SLC6A12: variants seen among roughly 807,000 people sequenced by gnomAD.
The protein encoded by SLC6A12 is sodium- and chloride-dependent betaine transporter.
Under a neutral mutation model 73.3 loss-of-function variants are expected in SLC6A12, and 50 were observed. That is an observed-to-expected ratio of 0.68 (90% CI 0.54 to 0.86). The LOEUF (loss-of-function observed/expected upper bound fraction) is 0.86. SLC6A12 is among the 40% of genes least tolerant of loss of function. SLC6A12 has a pLI of 0.00. For missense variants in SLC6A12, 648 were observed against 772.8 expected, an observed-to-expected ratio of 0.84 and a Z score of 1.92; for synonymous variants, 304 against 309.2, an observed-to-expected ratio of 0.98 and a Z score of 0.18.
intron 9 of SLC6A12, among the ~76,000 whole-genome samples, 186 bp from the exon 10 acceptor site, chr12:197,687 A>T (rs2137134478): frequency 6.6e-6 from 1 of 152,294 alleles, no homozygotes; most frequent in Admixed American, 6.5e-5. Flanking sequence ...TAGAAGAAAA[A>T]GACAAAAATC....
chr12:200,563 A>G, intron 7 of SLC6A12, 88 bp downstream of exon 7: 1 of 1,414,238 alleles, frequency 7.1e-7, no homozygotes, highest in Non-Finnish European at 9.7e-7. Flanking sequence ...CTTAATAGAA[A>G]GAAATCAGTT....
chr12:192,457 AC>A lies in SLC6A12; in HGVS notation c.1701+20del, dbSNP rs773266352. ...TCTCAGTGCCCTCCTTTAAGAGGTC[AC>A]TCTCCCCTACACCACCTACCTTCCT... On this transcript the variant is annotated intron_variant, in intron 15 of 15. Coordinates refer to ENST00000684302, the MANE Select transcript of SLC6A12 (RefSeq NM_001122848.3). 4 of 1,609,496 alleles carry A rather than the reference AC, an allele frequency of 2.5e-6. No homozygotes were observed. In the South Asian group the frequency reaches 3.3e-5, roughly 13 times the overall value.
At chr12:201,669 A>G (rs1940270417) in intron 6 of SLC6A12, 93 bp downstream of exon 6, 1 of 998,086 alleles carries the variant, frequency 1.0e-6, no homozygotes, top group African/African-American at 1.6e-5. Flanking sequence ...AAGCACACAC[A>G]GAATCTTAAA....
rs1255774798 is a variant in SLC6A12 at position 204,698 on chromosome 12, C to T, written c.215G>A (p.Gly72Glu). The change falls in exon 4 of 16, where the codon GGA (glycine) becomes GAA (glutamate). Residue 72 changes from glycine to glutamate, a missense_variant and splice_region_variant. Physicochemically the swap from Gly to Glu is moderately conservative, Grantham distance 98. Coordinates refer to ENST00000684302, the MANE Select transcript of SLC6A12 (RefSeq NM_001122848.3). ...FPYLCYKNGG[G>E]AFFIPYFIFF... ...GATGAAGTAGGGGATGAAGAAGGCT[C>T]CTGCAGAAGAGAGAGAGGCAGGGCT... is the stretch of plus-strand genomic sequence containing the variant. 1 of 1,613,886 alleles carries T rather than the reference C, an allele frequency of 6.2e-7. No homozygotes were observed. Among genetic ancestry groups the T allele is most frequent in the Non-Finnish European group, 8.5e-7 (1 of 1,180,010 alleles).
rs370315315 is a variant in SLC6A12, at chr12:191,043, G to A, written c.*25C>T. ...GCCCTGACCTAGGTTCCCGGCTTAG[G>A]AGCCGCCTGGCCTCTGGCCACACCC... is the stretch of plus-strand genomic sequence containing the variant. On this transcript the variant is annotated 3_prime_UTR_variant, in exon 16 of 16. Transcript: ENST00000684302. 4.6e-6 allele frequency: 6 copies of A among 1,298,648 alleles called. No homozygotes were observed. The highest frequency in any genetic ancestry group is 4.9e-6 in the Non-Finnish European group (5 of 1,013,734). The allele number at this position is 1,298,648 out of a possible 1,614,324, so 80.4% of individuals were successfully genotyped here.
chr12:202,898 AGATGGGGAGG>A lies in SLC6A12; in HGVS notation c.350-28_350-19del. 1 of 1,612,690 alleles carries A rather than the reference AGATGGGGAGG, an allele frequency of 6.2e-7. No homozygotes were observed. The highest frequency in any genetic ancestry group is 8.5e-7 in the Non-Finnish European group (1 of 1,179,208). On this transcript the variant is annotated intron_variant, in intron 4 of 15. Coordinates refer to ENST00000684302, the MANE Select transcript of SLC6A12 (RefSeq NM_001122848.3). Reference sequence around the variant, plus strand: ...ACCAATGCCTTCCAGAGTGGGGGAGAGATGGGGAGGGACAAGAGAGATCAATGTTAGCAAA... The same window carrying A: ...ACCAATGCCTTCCAGAGTGGGGGAGAGACAAGAGAGATCAATGTTAGCAAA...
At chr12:196,298 G>A (rs748163015) in intron 11 of SLC6A12, 37 bp from the exon 12 acceptor site, 3 of 1,592,116 alleles carry the variant, frequency 1.9e-6, no homozygotes, top group South Asian at 1.1e-5. Flanking sequence ...AGAGGGTGTG[G>A]GGCGGGCTGT....
intron 5 of SLC6A12, 87 bp from the exon 6 acceptor site, chr12:201,936 T>TC: frequency 9.3e-7 from 1 of 1,077,006 alleles, no homozygotes; most frequent in African/African-American, 1.5e-5. Flanking sequence ...AGCCTAGTGG[T>TC]CCTCACCACT....
chr12:186,505 G>C (rs751447298), downstream of SLC6A12, among the ~76,000 whole-genome samples: 3 of 152,240 alleles, frequency 2.0e-5, no homozygotes, highest in Non-Finnish European at 4.4e-5. Flanking sequence ...TTCTGGCTCA[G>C]TGCCTCTGTA....
chr12:203,770 G>T (rs986615488), intron 4 of SLC6A12: 1 of 152,212 alleles, frequency 6.6e-6, no homozygotes, highest in Non-Finnish European at 1.5e-5. Context: ...GGCCGGGGCG[G>T]CGCTGGGTGG....
chr12:209,319 C>T (rs1451047739), intron 3 of SLC6A12, among the ~76,000 whole-genome samples: 6 of 152,200 alleles, frequency 3.9e-5, no homozygotes. Context: ...TGACATAGAC[C>T]ACGCGGAACC....
At chr12:186,399 G>A (rs1939428631), downstream of SLC6A12, among the ~76,000 whole-genome samples, 1 of 152,214 alleles carries the variant, frequency 6.6e-6, no homozygotes, top group Admixed American at 6.5e-5. Context: ...CTACTGCTGT[G>A]TAAAAAATCA....
Position 195,227 on chromosome 12 carries a change from T to C in SLC6A12, c.1427A>G (p.Tyr476Cys), listed in dbSNP as rs1288369785. The C allele has an allele frequency of 9.7e-7, 1 of 1,030,068 alleles. No homozygotes were observed. The highest frequency in any genetic ancestry group is 1.2e-5 in the South Asian group (1 of 80,312). 63.8% of individuals were successfully genotyped at this position (1,030,068 alleles called of 1,614,324 possible). ...CCACCCCACTCCACCCCACTCACCA[T>C]ACACCCAGCTTATGCAGACCACTTC... ...LFEVVCISWV[Y>C]GADRFYDNIE... Residue 476 changes from tyrosine (Y) to cysteine (C), a missense_variant and splice_region_variant, in exon 13 of 16, where the codon TAT becomes TGT. By Grantham distance (194) the Tyr-to-Cys change is radical. Coordinates refer to ENST00000684302, the MANE Select transcript of SLC6A12 (RefSeq NM_001122848.3).
intron 4 of SLC6A12, chr12:204,264 G>A: frequency 2.8e-6 from 1 of 358,762 alleles, no homozygotes. Context: ...AGCTTCACTC[G>A]GCTCCAGCCC....
intron 6 of SLC6A12, chr12:201,084 G>C (rs1940237615): frequency 3.5e-6 from 1 of 288,216 alleles, no homozygotes; most frequent in Non-Finnish European, 6.5e-6. Context: ...TATACATGCA[G>C]GTTGATGGGC....
chr12:198,688 G>A lies in SLC6A12; in HGVS notation c.846+109C>T. ...CATATTTTCTAATTTATCTCCAGTG[G>A]GCATTTATTGCTTTTAAACCAAGGA... On this transcript the variant is annotated intron_variant, in intron 8 of 15. Coordinates refer to ENST00000684302, the MANE Select transcript of SLC6A12 (RefSeq NM_001122848.3). The surrounding 1 kb of genome is among the most constrained non-coding windows in gnomAD (Gnocchi z 4.0). The A allele has an allele frequency of 1.2e-6, 1 of 819,154 alleles. No homozygotes were observed. The highest frequency in any genetic ancestry group is 1.7e-5 in the African/African-American group (1 of 57,878). 50.7% of individuals were successfully genotyped at this position (819,154 alleles called of 1,614,324 possible). A position where few individuals can be genotyped will look rare whatever the true frequency, so the allele number is the denominator to read the frequency against.
downstream of SLC6A12, among the ~76,000 whole-genome samples, chr12:187,921 G>C: frequency 6.6e-6 from 1 of 152,180 alleles, no homozygotes; most frequent in Admixed American, 6.5e-5. Flanking sequence ...CCCTGAGCTA[G>C]ACACAGGGTG....
Position 202,929 on chromosome 12 carries a change from G to C in SLC6A12, c.350-49C>G. 3.2e-6 allele frequency: 5 copies of C among 1,576,868 alleles called. No homozygotes were observed. The East Asian group carries it at 9.0e-5, about 28-fold the overall frequency. ...GGAGGGACAAGAGAGATCAATGTTAGCAAAAAAGTCACATAGAAGCTGCCA... is the reference window on the plus strand; with the variant it reads ...GGAGGGACAAGAGAGATCAATGTTACCAAAAAAGTCACATAGAAGCTGCCA... On this transcript the variant is annotated intron_variant, in intron 4 of 15. Coordinates refer to ENST00000684302, the MANE Select transcript of SLC6A12 (RefSeq NM_001122848.3).
At chr12:200,836 T>C in intron 6 of SLC6A12, 53 bp from the exon 7 acceptor site, 1 of 1,573,362 alleles carries the variant, frequency 6.4e-7, no homozygotes, top group Non-Finnish European at 8.6e-7. Context: ...GGGGACAGTT[T>C]GCGTCTGTCA....
Sources: gnomAD v4.1 joint callset for allele counts (sites outside exome capture counted in the v4.1 genomes callset) on GRCh38, gnomAD v4.1.1 for gene constraint, Gnocchi (gnomAD v3.1) non-coding constraint, MANE v1.5 for transcripts, NCBI Gene and HGNC (gene_info 2026-07-23, HGNC 2026-07-21) for gene names.